DDX60: variants seen among roughly 807,000 people sequenced by gnomAD.
DDX60 encodes probable ATP-dependent RNA helicase DDX60.
DDX60 carries 165 observed loss-of-function variants against 212.8 expected under a neutral mutation model. That is an observed-to-expected ratio of 0.78 (90% CI 0.68 to 0.88). DDX60 has a LOEUF of 0.88. DDX60 is among the 40% of genes least tolerant of loss of function. The pLI is 0.00. For synonymous variants in DDX60, 703 were observed against 685.3 expected (o/e 1.03, Z -0.40); for missense variants, 1,905 against 2,003.9 (o/e 0.95, Z 0.94).
intron 33 of DDX60, among the ~76,000 whole-genome samples, chr4:168,231,407 A>T (rs1202489520): frequency 6.6e-6 from 1 of 151,888 alleles, no homozygotes. Context: ...TAACAAAAAA[A>T]AAAAGAAAGA....
At chr4:168,303,475 T>A (rs1462927747) in intron 5 of DDX60, among the ~76,000 whole-genome samples, 2 of 152,006 alleles carry the variant, frequency 1.3e-5, no homozygotes, top group Non-Finnish European at 2.9e-5. Flanking sequence ...CAACCAGAAT[T>A]GAAAATAGTT....
At chr4:168,218,838 A>G (rs1578959836) in intron 37 of DDX60, among the ~76,000 whole-genome samples, 2 of 152,266 alleles carry the variant, frequency 1.3e-5, no homozygotes, top group South Asian at 2.1e-4. Context: ...TAGTCAAAAA[A>G]TTACCTCATT....
chr4:168,255,942 A>G (rs1012521589), intron 25 of DDX60, 73 bp from the exon 26 acceptor site: 1 of 1,444,370 alleles, frequency 6.9e-7, no homozygotes. Flanking sequence ...TCCATCTACT[A>G]CTATCATCCC....
intron 22 of DDX60, among the ~76,000 whole-genome samples, chr4:168,266,911 T>A (rs1461039997): frequency 6.6e-6 from 1 of 152,216 alleles, no homozygotes. Context: ...GATGGATGTC[T>A]TATTATGTTT....
At chr4:168,312,691 A>AC (rs1737187179) in intron 1 of DDX60, among the ~76,000 whole-genome samples, 1 of 127,512 alleles carries the variant, frequency 7.8e-6, no homozygotes, top group African/African-American at 3.2e-5. Flanking sequence ...TAGTAGATAG[A>AC]TTGATTGATA....
chr4:168,218,953 A>G (rs1732947318), intron 37 of DDX60, among the ~76,000 whole-genome samples: 1 of 152,090 alleles, frequency 6.6e-6, no homozygotes. Flanking sequence ...TTCACTACAC[A>G]TGTAAGAATT....
intron 30 of DDX60, among the ~76,000 whole-genome samples, chr4:168,239,458 G>A (rs1386129678): frequency 1.3e-5 from 2 of 152,042 alleles, no homozygotes; most frequent in Non-Finnish European, 2.9e-5. Context: ...CATAAAGAAA[G>A]ATAGATCAAT....
chr4:168,260,780 G>A (rs1734592649), intron 25 of DDX60, 85 bp downstream of exon 25: 4 of 1,211,802 alleles, frequency 3.3e-6, no homozygotes, highest in South Asian at 2.8e-5. Context: ...GTGATGGTCT[G>A]TGGCCTGGAG....
At chr4:168,278,862 G>C (rs1735464768) in intron 14 of DDX60, among the ~76,000 whole-genome samples, 1 of 152,116 alleles carries the variant, frequency 6.6e-6, no homozygotes, top group Non-Finnish European at 1.5e-5. Flanking sequence ...ACTGACTGAA[G>C]AGGCTCCATC....
At chr4:168,253,098 C>T (rs560027270) in intron 26 of DDX60, among the ~76,000 whole-genome samples, 6 of 152,292 alleles carry the variant, frequency 3.9e-5, no homozygotes, top group African/African-American at 7.2e-5. Context: ...CCACCGTGCC[C>T]GGCCTGCTGT....
chr4:168,258,050 A>G lies in DDX60; in HGVS notation c.3399-2181T>C, dbSNP rs543283999. Among the ~76,000 whole-genome samples the G allele has an allele frequency of 2.3e-3, 343 of 152,348 alleles. 3 individuals are homozygous for G. The highest frequency in any genetic ancestry group is 8.0e-3 in the African/African-American group (331 of 41,580). On this transcript the variant is annotated intron_variant, in intron 25 of 37. Transcript: ENST00000393743. ...GATTATTTTAGAAAGTCCTTGAGAC[A>G]GTTTATCTCAGCCATGCAAGCATGA...
chr4:168,311,218 T>A, intron 2 of DDX60, 38 bp downstream of exon 2: 1 of 1,604,654 alleles, frequency 6.2e-7, no homozygotes, highest in African/African-American at 1.3e-5. Flanking sequence ...AGGGTAACAT[T>A]GTTTTATAAT....
chr4:168,296,216 CGTT>C (rs1369109187), intron 6 of DDX60, among the ~76,000 whole-genome samples: 8 of 152,054 alleles, frequency 5.3e-5, no homozygotes, highest in Admixed American at 3.9e-4. Context: ...AATCATGTCA[CGTT>C]GTATACATAT....
intron 8 of DDX60, among the ~76,000 whole-genome samples, chr4:168,289,719 G>C (rs191116801): frequency 6.6e-6 from 1 of 152,034 alleles, no homozygotes; most frequent in Non-Finnish European, 1.5e-5. Context: ...ATACAATGAC[G>C]GCATCCCCAC....
intron 26 of DDX60, among the ~76,000 whole-genome samples, chr4:168,253,001 C>T (rs916173248): frequency 7.2e-5 from 11 of 152,092 alleles, no homozygotes; most frequent in Middle Eastern, 3.2e-3. Flanking sequence ...GACGGGGTTT[C>T]ACCATGTTGG....
chr4:168,268,832 C>A, intron 20 of DDX60, 22 bp downstream of exon 20: 2 of 1,326,932 alleles, frequency 1.5e-6, no homozygotes, highest in Non-Finnish European at 2.1e-6. Flanking sequence ...ACACTCTGTC[C>A]AAATTGAAAC....
At chr4:168,283,848 A>G (rs1735701856) in intron 12 of DDX60, among the ~76,000 whole-genome samples, 1 of 152,202 alleles carries the variant, frequency 6.6e-6, no homozygotes. Context: ...TGCAACAAAA[A>G]AAATGACGGA....
intron 10 of DDX60, among the ~76,000 whole-genome samples, chr4:168,286,761 G>T (rs994242414): frequency 2.0e-5 from 3 of 152,050 alleles, no homozygotes; most frequent in Non-Finnish European, 2.9e-5. Context: ...TACACAAAGA[G>T]ATTTTTCTGT....
At position 168,252,639 on chromosome 4, in the gene DDX60, T is replaced by C. The variant is rs1734261685; in HGVS notation, c.3575A>G (p.Lys1192Arg). ...GCTTTGATCCACATTTCTGGTTTTTTTCTGGCTCTTTTCATCTCTGTTCAT... is the reference window on the plus strand; with the variant it reads ...GCTTTGATCCACATTTCTGGTTTTTCTCTGGCTCTTTTCATCTCTGTTCAT... ...KQKIIDEKSQ[K>R]KTRNVDQSLI... is the part of the protein sequence containing the mutation. The change falls in exon 27 of 38, where the codon AAA becomes AGA. Residue 1192 changes from lysine to arginine, a missense_variant. Transcript: ENST00000393743. 1.9e-6 allele frequency: 3 copies of C among 1,610,170 alleles called. No homozygotes were observed. The highest frequency in any genetic ancestry group is 1.7e-5 in the Admixed American group (1 of 59,606).
Sources: allele counts gnomAD v4.1 joint callset (sites outside exome capture counted in the v4.1 genomes callset), GRCh38; gene constraint gnomAD v4.1.1; transcripts MANE v1.5; gene names NCBI Gene and HGNC (gene_info 2026-07-23, HGNC 2026-07-21).